Variants in SHISA9 observed in about 807,000 individuals in gnomAD.
SHISA9 encodes the protein protein shisa-9.
A neutral mutation model predicts 38.0 loss-of-function variants in SHISA9; 13 were observed. The ratio of observed to expected loss-of-function variants is 0.34; its 90% confidence interval spans 0.22 to 0.54. The LOEUF (loss-of-function observed/expected upper bound fraction) is 0.54, where lower values mean the gene tolerates loss of function less well. Among genes scored for constraint, SHISA9 ranks in the 20% least tolerant of loss-of-function variants. The pLI, the probability that SHISA9 is intolerant of heterozygous loss-of-function variation, is 0.91. For synonymous variants in SHISA9, 275 were observed against 242.0 expected, an observed-to-expected ratio of 1.14 and a Z score of -1.27; for missense variants, 538 against 575.8, an observed-to-expected ratio of 0.93 and a Z score of 0.67.
At chr16:13,368,751 A>C in the SHISA9 span, among the ~76,000 whole-genome samples, 119,515 of 149,910 alleles carry the variant, frequency 0.8, 47,836 homozygotes, top group East Asian at 0.96. Flanking sequence ...AAAAAAAAAA[A>C]CCCACTGGGA....
the SHISA9 span, among the ~76,000 whole-genome samples, chr16:13,459,714 C>T: frequency 6.6e-6 from 1 of 152,104 alleles, no homozygotes; most frequent in South Asian, 2.1e-4. Flanking sequence ...TGTAATTGAC[C>T]CTGTATATCA....
intron 2 of SHISA9, among the ~76,000 whole-genome samples, chr16:13,103,559 A>C (rs148797742): frequency 1.3e-5 from 2 of 152,080 alleles, no homozygotes; most frequent in Non-Finnish European, 2.9e-5. Context: ...CAGTAACCCA[A>C]CCTGCCTAGG....
the SHISA9 span, among the ~76,000 whole-genome samples, chr16:13,324,973 G>A: frequency 2.0e-5 from 3 of 152,216 alleles, no homozygotes; most frequent in African/African-American, 7.2e-5. Context: ...TGCCTGAAGA[G>A]TTGAATTCAG....
intron 2 of SHISA9, among the ~76,000 whole-genome samples, chr16:12,970,489 A>ATT: frequency 3.8e-5 from 1 of 26,382 alleles, no homozygotes; most frequent in African/African-American, 1.4e-4. Context: ...ATATATATAT[A>ATT]TATATATATT....
At chr16:13,151,513 T>G (rs140255613) in intron 2 of SHISA9, among the ~76,000 whole-genome samples, 1 of 152,304 alleles carries the variant, frequency 6.6e-6, no homozygotes, top group African/African-American at 2.4e-5. Context: ...GCTGTAGGCT[T>G]ATTACTTCAC....
At chr16:13,217,295 A>T (rs636844) in intron 4 of SHISA9, among the ~76,000 whole-genome samples, 95,158 of 149,634 alleles carry the variant, frequency 0.64, 30,851 homozygotes, top group Middle Eastern at 0.79. Flanking sequence ...ATAAATAAAT[A>T]AATTAATTAA....
intron 2 of SHISA9, among the ~76,000 whole-genome samples, chr16:13,007,319 C>G (rs1285029672): frequency 1.3e-5 from 2 of 152,162 alleles, no homozygotes; most frequent in East Asian, 3.9e-4. Flanking sequence ...ATGGGGAACT[C>G]ACCGTAGGCT....
chr16:13,209,823 C>T lies in SHISA9; in HGVS notation c.848-3430C>T, dbSNP rs1199430169. On this transcript the variant is annotated intron_variant, in intron 3 of 4. Transcript: ENST00000558583. ...CGTCTTTATGAAAATATCCCTAGGC[C>T]GGGTGCAGTGGCTCACACCTGTAAT... 5.9e-5 allele frequency among the ~76,000 whole-genome samples: 9 copies of T among 152,164 alleles called. No homozygotes were observed. In the South Asian group the frequency reaches 6.2e-4, roughly 11 times the overall value.
At chr16:12,948,845 A>T (rs572133026) in intron 2 of SHISA9, among the ~76,000 whole-genome samples, 1 of 152,072 alleles carries the variant, frequency 6.6e-6, no homozygotes, top group African/African-American at 2.4e-5. Flanking sequence ...TCATATCTGA[A>T]AAAACACATA....
chr16:13,203,778 C>T (rs1286932409), intron 3 of SHISA9, among the ~76,000 whole-genome samples: 1 of 152,016 alleles, frequency 6.6e-6, no homozygotes, highest in African/African-American at 2.4e-5. Context: ...CATCCATCCA[C>T]CTATACACTC....
intron 4 of SHISA9, among the ~76,000 whole-genome samples, chr16:13,226,403 G>A (rs1223210202): frequency 6.6e-6 from 1 of 152,190 alleles, no homozygotes; most frequent in East Asian, 1.9e-4. Flanking sequence ...TGGGAGAATG[G>A]TTAGTTAAAT....
At chr16:13,339,572 A>G in the SHISA9 span, among the ~76,000 whole-genome samples, 1 of 152,220 alleles carries the variant, frequency 6.6e-6, no homozygotes, top group South Asian at 2.1e-4. Flanking sequence ...TGAAGAATTC[A>G]TGAATTTCAA....
At chr16:13,328,417 CTTT>C in the SHISA9 span, among the ~76,000 whole-genome samples, 4 of 140,566 alleles carry the variant, frequency 2.8e-5, no homozygotes, top group Non-Finnish European at 3.1e-5. Context: ...TCTCTTTTTC[CTTT>C]TTTTTTTTTT....
the SHISA9 span, among the ~76,000 whole-genome samples, chr16:13,448,737 T>C: frequency 6.6e-6 from 1 of 152,256 alleles, no homozygotes; most frequent in African/African-American, 2.4e-5. Context: ...TCAGAGTGAA[T>C]ACCAAACAGA....
chr16:13,114,465 C>CAAAAAAAAAAA (rs58742818), intron 2 of SHISA9, among the ~76,000 whole-genome samples: 1 of 51,020 alleles, frequency 2.0e-5, no homozygotes, highest in Non-Finnish European at 4.3e-5. Flanking sequence ...GATTCCATCT[C>CAAAAAAAAAAA]AAAAAAAAAA....
chr16:13,383,968 T>C, the SHISA9 span, among the ~76,000 whole-genome samples: 1 of 152,176 alleles, frequency 6.6e-6, no homozygotes, highest in Non-Finnish European at 1.5e-5. Context: ...ACCAACCTAA[T>C]ACTTTAAATG....
At chr16:13,136,100 T>C (rs1256526806) in intron 2 of SHISA9, among the ~76,000 whole-genome samples, 1 of 152,136 alleles carries the variant, frequency 6.6e-6, no homozygotes, top group Non-Finnish European at 1.5e-5. Flanking sequence ...ATTAGTAATA[T>C]CTCTCTTGAT....
the SHISA9 span, among the ~76,000 whole-genome samples, chr16:13,438,716 G>A: frequency 4.6e-5 from 7 of 152,280 alleles, no homozygotes; most frequent in East Asian, 3.9e-4. Context: ...CTATGTAACC[G>A]CTGGAGAAGA....
At chr16:12,914,811 G>A (rs1220845450) in intron 1 of SHISA9, among the ~76,000 whole-genome samples, 1 of 152,190 alleles carries the variant, frequency 6.6e-6, no homozygotes, top group Non-Finnish European at 1.5e-5. Flanking sequence ...GTTGCTGGGT[G>A]AACTCCACCC....
Sources: gnomAD v4.1 joint callset for allele counts (sites outside exome capture counted in the v4.1 genomes callset) on GRCh38, gnomAD v4.1.1 for gene constraint, MANE v1.5 for transcripts, NCBI Gene and HGNC (gene_info 2026-07-23, HGNC 2026-07-21) for gene names.